Variants in CDK14 observed in about 807,000 individuals in gnomAD.
CDK14 encodes the protein cyclin-dependent kinase 14.
In CDK14, 34 loss-of-function variants were observed where a neutral mutation model predicts 60.7. The ratio of observed to expected loss-of-function variants is 0.56; its 90% confidence interval spans 0.43 to 0.75. The LOEUF is 0.75. Ranked by LOEUF, CDK14 falls within the 30% of genes least tolerant of loss-of-function variation. The pLI is 0.00. For synonymous variants in CDK14, 197 were observed against 203.7 expected (o/e 0.97, Z 0.28); for missense variants, 482 against 564.1 (o/e 0.85, Z 1.47).
At chr7:90,781,199 C>G (rs1270081854) in intron 4 of CDK14, among the ~76,000 whole-genome samples, 1 of 152,164 alleles carries the variant, frequency 6.6e-6, no homozygotes, top group Non-Finnish European at 1.5e-5. Context: ...TGTTTTTTGG[C>G]TGCATAAATG....
At chr7:90,850,866 C>T (rs1013653292) in intron 5 of CDK14, among the ~76,000 whole-genome samples, 4 of 152,062 alleles carry the variant, frequency 2.6e-5, no homozygotes, top group Non-Finnish European at 5.9e-5. Context: ...CTTTAGCTCC[C>T]CCTTTACTTA....
intron 2 of CDK14, among the ~76,000 whole-genome samples, chr7:90,618,779 T>C (rs1170027137): frequency 6.6e-6 from 1 of 152,252 alleles, no homozygotes; most frequent in Non-Finnish European, 1.5e-5. Flanking sequence ...TGATGTACTT[T>C]ATCTTTCCTT....
intron 4 of CDK14, among the ~76,000 whole-genome samples, chr7:90,752,073 A>G (rs1246539687): frequency 1.3e-5 from 2 of 152,178 alleles, no homozygotes; most frequent in African/African-American, 2.4e-5. Context: ...ACACAATAAT[A>G]GTGGGGGCTT....
intron 11 of CDK14, among the ~76,000 whole-genome samples, chr7:91,049,874 G>A (rs1476274093): frequency 7.2e-5 from 11 of 152,142 alleles, no homozygotes; most frequent in Admixed American, 7.2e-4. Context: ...TCATATATTG[G>A]GTGGTGATAA....
chr7:90,718,863 TTC>T (rs1317003633), intron 2 of CDK14, among the ~76,000 whole-genome samples: 20 of 152,184 alleles, frequency 1.3e-4, no homozygotes, highest in African/African-American at 4.1e-4. Flanking sequence ...GTGGCAATGA[TTC>T]TAATTCTTCC....
chr7:90,685,429 A>G (rs1480051160), intron 2 of CDK14, among the ~76,000 whole-genome samples: 1 of 152,098 alleles, frequency 6.6e-6, no homozygotes, highest in East Asian at 1.9e-4. Flanking sequence ...TTCAAAATTT[A>G]AAACATTTTC....
intron 12 of CDK14, among the ~76,000 whole-genome samples, chr7:91,085,940 G>T (rs1405064523): frequency 2.6e-5 from 4 of 152,182 alleles, no homozygotes; most frequent in African/African-American, 9.7e-5. Flanking sequence ...GGCCTCTGTG[G>T]TTCCAGGGCA....
chr7:90,672,414 A>G (rs576558292), intron 2 of CDK14, among the ~76,000 whole-genome samples: 18 of 151,568 alleles, frequency 1.2e-4, no homozygotes, highest in Admixed American at 2.0e-4. Flanking sequence ...ATACAATTAC[A>G]ATATGTGATT....
At chr7:91,108,389 C>T (rs1005746626) in intron 12 of CDK14, among the ~76,000 whole-genome samples, 5 of 152,204 alleles carry the variant, frequency 3.3e-5, no homozygotes, top group Non-Finnish European at 7.3e-5. Flanking sequence ...TGAAATCATG[C>T]AGTATTGAGT....
intron 12 of CDK14, among the ~76,000 whole-genome samples, chr7:91,086,248 A>G (rs1242264659): frequency 6.6e-6 from 1 of 152,190 alleles, no homozygotes; most frequent in Non-Finnish European, 1.5e-5. Flanking sequence ...GGAGTACCCA[A>G]TAAGCATAAT....
intron 12 of CDK14, among the ~76,000 whole-genome samples, chr7:91,080,440 T>G (rs1450907561): frequency 2.0e-5 from 3 of 152,156 alleles, no homozygotes; most frequent in African/African-American, 7.2e-5. Flanking sequence ...TTTATTAAAT[T>G]TGTACCTCGA....
intron 6 of CDK14, among the ~76,000 whole-genome samples, chr7:90,883,453 A>C (rs539017148): frequency 6.6e-6 from 1 of 150,668 alleles, no homozygotes; most frequent in East Asian, 1.9e-4. Context: ...GAGGCAGTAA[A>C]CAAACAAACA....
At chr7:91,021,375 G>T (rs1246307085) in intron 10 of CDK14, among the ~76,000 whole-genome samples, 2 of 152,196 alleles carry the variant, frequency 1.3e-5, no homozygotes, top group East Asian at 3.9e-4. Context: ...GAGGATTAAA[G>T]AATTATTAGT....
At chr7:90,627,388 T>G (rs551179023) in intron 2 of CDK14, among the ~76,000 whole-genome samples, 67 of 152,220 alleles carry the variant, frequency 4.4e-4, no homozygotes, top group Admixed American at 3.7e-3. Context: ...TTTTAAAAAT[T>G]TTTTGTAGAG....
At chr7:90,966,041 G>A (rs551430290) in intron 9 of CDK14, among the ~76,000 whole-genome samples, 92 of 152,186 alleles carry the variant, frequency 6.0e-4, no homozygotes, top group African/African-American at 2.1e-3. Flanking sequence ...TCAAGATAAA[G>A]AATAACGTGT....
At chr7:91,131,098 T>G (rs1159320462) in intron 14 of CDK14, among the ~76,000 whole-genome samples, 1 of 152,056 alleles carries the variant, frequency 6.6e-6, no homozygotes, top group Non-Finnish European at 1.5e-5. Context: ...TTTTATTTTT[T>G]TTTTGTTTTT....
chr7:90,667,811 C>T (rs954613971), intron 2 of CDK14, among the ~76,000 whole-genome samples: 6 of 152,198 alleles, frequency 3.9e-5, no homozygotes, highest in African/African-American at 1.2e-4. Context: ...CTTTGTGATC[C>T]GCCCGCCTCT....
At chr7:91,159,437 T>C (rs911203454) in intron 14 of CDK14, among the ~76,000 whole-genome samples, 7 of 152,248 alleles carry the variant, frequency 4.6e-5, no homozygotes, top group African/African-American at 1.7e-4. Context: ...TCTGTAGATA[T>C]GAATAACTTA....
chr7:90,824,556 G>A (rs1370060998), intron 5 of CDK14: 1 of 152,206 alleles, frequency 6.6e-6, no homozygotes, highest in Non-Finnish European at 1.5e-5. Flanking sequence ...TCAAGGAGGG[G>A]AAATCATGTG....
Sources: allele counts gnomAD v4.1 joint callset (sites outside exome capture counted in the v4.1 genomes callset), GRCh38; gene constraint gnomAD v4.1.1; transcripts MANE v1.5; gene names NCBI Gene and HGNC (gene_info 2026-07-23, HGNC 2026-07-21).